ZNF717: variants seen among roughly 807,000 people sequenced by gnomAD.
ZNF717 encodes krueppel-like factor X17.
In ZNF717, 9 loss-of-function variants were observed where a neutral mutation model predicts 13.8. That is an observed-to-expected ratio of 0.65 (90% CI 0.39 to 1.14). The LOEUF (loss-of-function observed/expected upper bound fraction) is 1.14. Ranked by LOEUF, ZNF717 falls within the 50% of genes most tolerant of loss-of-function variation. The pLI, the probability that ZNF717 is intolerant of heterozygous loss-of-function variation, is 0.01. For synonymous variants in ZNF717, 327 were observed against 364.1 expected (o/e 0.90, Z 1.16); for missense variants, 1,040 against 1,080.7 (o/e 0.96, Z 0.53).
At chr3:75,715,329 G>T (rs1183949545) in intron 5 of ZNF717, among the ~76,000 whole-genome samples, 1 of 152,284 alleles carries the variant, frequency 6.6e-6, no homozygotes, top group African/African-American at 2.4e-5. Context: ...TGCTTGACTA[G>T]CAAGTCTGGA....
downstream of ZNF717, among the ~76,000 whole-genome samples, chr3:75,706,223 G>A (rs1937800393): frequency 6.6e-6 from 1 of 152,304 alleles, no homozygotes; most frequent in South Asian, 2.1e-4. Context: ...TTATTAAAAC[G>A]GTGGATAATT....
chr3:75,777,197 C>T (rs1192633172), intron 2 of ZNF717, among the ~76,000 whole-genome samples: 17 of 151,858 alleles, frequency 1.1e-4, no homozygotes, highest in Non-Finnish European at 1.5e-4. Flanking sequence ...CATGCTAAAC[C>T]GGAAACCCAA....
chr3:75,778,502 C>T (rs1350840251), intron 2 of ZNF717, among the ~76,000 whole-genome samples: 6 of 150,218 alleles, frequency 4.0e-5, no homozygotes, highest in Middle Eastern at 3.3e-3. Context: ...AAAACCGGAA[C>T]GCAAAACAAT....
At chr3:75,735,177 C>A (rs1431985644), downstream of ZNF717, among the ~76,000 whole-genome samples, 1 of 152,126 alleles carries the variant, frequency 6.6e-6, no homozygotes, top group African/African-American at 2.4e-5. Flanking sequence ...ATAAGTGAAA[C>A]AAATGGCAAC....
intron 6 of ZNF717, among the ~76,000 whole-genome samples, chr3:75,698,876 C>A (rs1443822750): frequency 6.6e-6 from 1 of 152,274 alleles, no homozygotes; most frequent in African/African-American, 2.4e-5. Flanking sequence ...GCACCCTGCA[C>A]CTGGAAAAGC....
intron 2 of ZNF717, among the ~76,000 whole-genome samples, chr3:75,769,633 T>C (rs1476890966): frequency 6.6e-6 from 1 of 152,222 alleles, no homozygotes; most frequent in East Asian, 1.9e-4. Flanking sequence ...AGTATTAGGT[T>C]AAAAATGCAA....
intron 2 of ZNF717, among the ~76,000 whole-genome samples, chr3:75,769,064 C>G (rs1943709742): frequency 6.6e-6 from 1 of 152,144 alleles, no homozygotes; most frequent in Non-Finnish European, 1.5e-5. Context: ...GTTTATTAGA[C>G]TGCTGCAGGT....
intron 4 of ZNF717, among the ~76,000 whole-genome samples, chr3:75,720,882 C>A (rs1342290089): frequency 1.3e-5 from 2 of 152,192 alleles, no homozygotes; most frequent in African/African-American, 4.8e-5. Context: ...CTTACTCCTT[C>A]TTCTCTCTTC....
chr3:75,738,609 G>A lies in ZNF717; in HGVS notation c.1014C>T (p.Pro338=). The A allele has an allele frequency of 7.1e-6, 11 of 1,552,228 alleles. No individual in the cohort carries two copies. The South Asian group carries it at 7.1e-5, about 10-fold the overall frequency. ...TTTTACCACATTCATTGCATCCATA[G>A]GGCTTTTCCCCTGTGTGAATTCTCT... The part of the protein sequence containing the change: ...IHQRIHTGEK[P]YGCNECGKTF... Residue 338 remains proline, a synonymous_variant, in exon 5 of 5, where the codon CCC becomes CCT. Coordinates refer to ENST00000652011, the MANE Select transcript of ZNF717 (RefSeq NM_001290208.3).
chr3:75,775,720 G>C (rs1944255560), intron 2 of ZNF717, among the ~76,000 whole-genome samples: 2 of 152,128 alleles, frequency 1.3e-5, no homozygotes, highest in African/African-American at 4.8e-5. Context: ...GGGTGTGGTG[G>C]TGTGCGCCTG....
intron 2 of ZNF717, among the ~76,000 whole-genome samples, chr3:75,765,000 T>TA (rs1308332407): frequency 1.6e-3 from 25 of 15,692 alleles, no homozygotes; most frequent in African/African-American, 4.9e-3. Context: ...GATATATATA[T>TA]ATATATATAT....
chr3:75,774,368 T>C (rs1213172916), intron 2 of ZNF717, among the ~76,000 whole-genome samples: 2 of 152,088 alleles, frequency 1.3e-5, no homozygotes, highest in Non-Finnish European at 2.9e-5. Context: ...ACCTTTAATA[T>C]ATTTAATAGG....
At chr3:75,719,655 T>C (rs1938131046) in intron 4 of ZNF717, among the ~76,000 whole-genome samples, 1 of 152,098 alleles carries the variant, frequency 6.6e-6, no homozygotes, top group Non-Finnish European at 1.5e-5. Context: ...AGTACAAAAT[T>C]CTACTTTAGA....
intron 4 of ZNF717, among the ~76,000 whole-genome samples, chr3:75,722,015 A>C (rs1938177010): frequency 6.6e-6 from 1 of 151,788 alleles, no homozygotes; most frequent in Admixed American, 6.6e-5. Flanking sequence ...GGGGAGGCCG[A>C]GGCAGGTGGA....
chr3:75,779,023 C>T (rs541318322), intron 2 of ZNF717, among the ~76,000 whole-genome samples: 14 of 148,624 alleles, frequency 9.4e-5, no homozygotes, highest in African/African-American at 2.7e-4. Context: ...GTGCTAAAAC[C>T]GGAACCCAAA....
chr3:75,762,265 C>A (rs1943097757), intron 2 of ZNF717, among the ~76,000 whole-genome samples: 1 of 151,058 alleles, frequency 6.6e-6, no homozygotes. Context: ...ATGGAGAAAC[C>A]CTGTCTCTAC....
chr3:75,750,346 G>A (rs75018114), intron 2 of ZNF717, among the ~76,000 whole-genome samples: 2 of 147,978 alleles, frequency 1.4e-5, no homozygotes, highest in South Asian at 2.1e-4. Context: ...CTGCTGCTGG[G>A]GTCTGAATGT....
At chr3:75,775,549 CT>C in intron 2 of ZNF717, among the ~76,000 whole-genome samples, 1 of 152,242 alleles carries the variant, frequency 6.6e-6, no homozygotes, top group South Asian at 2.1e-4. Flanking sequence ...AAGAATTGGA[CT>C]GGTTAAGAAT....
chr3:75,774,608 TG>T (rs1203340222), intron 2 of ZNF717, among the ~76,000 whole-genome samples: 2 of 130,420 alleles, frequency 1.5e-5, no homozygotes, highest in Admixed American at 8.1e-5. Flanking sequence ...AAAATTCTTG[TG>T]GTTTTTTTTT....
Sources: allele counts gnomAD v4.1 joint callset (sites outside exome capture counted in the v4.1 genomes callset), GRCh38; gene constraint gnomAD v4.1.1; transcripts MANE v1.5; gene names NCBI Gene and HGNC (gene_info 2026-07-23, HGNC 2026-07-21).